The following ROBO2 variants were observed in gnomAD, a reference collection of about 807,000 sequenced individuals.
ROBO2 encodes roundabout homolog 2.
Under a neutral mutation model 160.8 loss-of-function variants are expected in ROBO2, and 53 were observed. The observed-to-expected ratio is 0.33, with a 90% confidence interval of 0.26 to 0.41. The LOEUF (loss-of-function observed/expected upper bound fraction) is 0.41. Ranked by LOEUF, ROBO2 falls within the 10% of genes least tolerant of loss-of-function variation. ROBO2 has a pLI of 1.00. For synonymous variants in ROBO2, 664 were observed against 611.7 expected (o/e 1.09, Z -1.26); for missense variants, 1,577 against 1,722.4 (o/e 0.92, Z 1.49).
At chr3:77,119,098 T>C (rs538895269) in intron 2 of ROBO2, among the ~76,000 whole-genome samples, 2 of 152,190 alleles carry the variant, frequency 1.3e-5, no homozygotes, top group Middle Eastern at 3.4e-3. Context: ...GTTTAGCACT[T>C]CCCCCTTGCT....
intron 2 of ROBO2, among the ~76,000 whole-genome samples, chr3:76,351,160 A>T (rs1172158812): frequency 6.6e-6 from 1 of 151,986 alleles, no homozygotes; most frequent in Non-Finnish European, 1.5e-5. Flanking sequence ...AGGTAAAAAA[A>T]TTGAACCACA....
chr3:76,909,452 G>A (rs2075828794), intron 2 of ROBO2, among the ~76,000 whole-genome samples: 1 of 152,064 alleles, frequency 6.6e-6, no homozygotes, highest in African/African-American at 2.4e-5. Context: ...GACATAATGA[G>A]TACAGTGTTC....
chr3:77,058,911 C>T (rs992017346), intron 1 of ROBO2, among the ~76,000 whole-genome samples: 2 of 152,108 alleles, frequency 1.3e-5, no homozygotes, highest in African/African-American at 4.8e-5. Context: ...AGTTAGCACA[C>T]AATCACATGT....
intron 5 of ROBO2, among the ~76,000 whole-genome samples, chr3:77,505,425 C>T (rs1246852947): frequency 6.6e-6 from 1 of 151,696 alleles, no homozygotes; most frequent in Non-Finnish European, 1.5e-5. Flanking sequence ...ACTTGGGTGC[C>T]TGGTCAAAAG....
intron 2 of ROBO2, among the ~76,000 whole-genome samples, chr3:77,414,242 T>C (rs2077030406): frequency 6.6e-6 from 1 of 152,216 alleles, no homozygotes; most frequent in Admixed American, 6.5e-5. Flanking sequence ...TAACAAGAAC[T>C]GACCGTTGGA....
chr3:76,863,064 C>A (rs118024992), intron 2 of ROBO2, among the ~76,000 whole-genome samples: 2 of 152,034 alleles, frequency 1.3e-5, no homozygotes, highest in Non-Finnish European at 2.9e-5. Context: ...CGTGCTGTAA[C>A]TTCTATATTT....
chr3:76,812,684 CTT>C (rs1030110372), intron 2 of ROBO2, among the ~76,000 whole-genome samples: 4 of 151,866 alleles, frequency 2.6e-5, no homozygotes, highest in African/African-American at 7.2e-5. Flanking sequence ...AAATAAAAAA[CTT>C]ATAATTAAAA....
chr3:76,585,253 C>A (rs1035076479), intron 2 of ROBO2, among the ~76,000 whole-genome samples: 2 of 152,002 alleles, frequency 1.3e-5, no homozygotes, highest in Non-Finnish European at 2.9e-5. Flanking sequence ...GCATTTATTC[C>A]CTTTTTGGAA....
intron 2 of ROBO2, among the ~76,000 whole-genome samples, chr3:77,007,687 T>A (rs1323792183): frequency 6.6e-6 from 1 of 152,132 alleles, no homozygotes; most frequent in Non-Finnish European, 1.5e-5. Context: ...TTTCTGCACC[T>A]GTTAATTTTA....
rs992611393 is a variant in ROBO2, at chr3:76,130,078, G to A, written c.109+192476G>A. On this transcript the variant is annotated intron_variant, in intron 2 of 26. Coordinates refer to the ROBO2 transcript ENST00000487694. Reference sequence around the variant, plus strand: ...CCCTCCAGATTAAAAAATAAAAGTCGGATCTTATCAATTTTGAAAAGGATG... The same window carrying A: ...CCCTCCAGATTAAAAAATAAAAGTCAGATCTTATCAATTTTGAAAAGGATG... 2.9e-4 allele frequency among the ~76,000 whole-genome samples: 44 copies of A among 151,916 alleles called. 1 individual carries two copies. The highest frequency in any genetic ancestry group is 8.9e-4 in the African/African-American group (37 of 41,488).
intron 21 of ROBO2, among the ~76,000 whole-genome samples, chr3:77,615,141 C>T (rs903866268): frequency 6.6e-6 from 1 of 152,016 alleles, no homozygotes; most frequent in South Asian, 2.1e-4. Flanking sequence ...GATTCAGGAC[C>T]CTGACACATA....
chr3:77,152,577 G>C (rs2077639803), intron 2 of ROBO2, among the ~76,000 whole-genome samples: 1 of 152,192 alleles, frequency 6.6e-6, no homozygotes, highest in East Asian at 1.9e-4. Flanking sequence ...TCACCTGTGA[G>C]TATGTTCGTT....
intron 2 of ROBO2, among the ~76,000 whole-genome samples, chr3:76,908,919 C>A (rs78637808): frequency 0.011 from 1,637 of 152,214 alleles, 13 homozygotes; most frequent in Non-Finnish European, 0.016. Flanking sequence ...TAATGTGCAA[C>A]CTTTTTAATT....
intron 2 of ROBO2, among the ~76,000 whole-genome samples, chr3:76,752,127 T>C (rs1023911745): frequency 2.6e-5 from 4 of 151,812 alleles, no homozygotes; most frequent in Non-Finnish European, 4.4e-5. Context: ...AAAGGATGAG[T>C]TCATGTCTTT....
intron 5 of ROBO2, among the ~76,000 whole-genome samples, chr3:77,520,014 C>G (rs568869278): frequency 2.1e-4 from 32 of 151,430 alleles, no homozygotes; most frequent in African/African-American, 6.5e-4. Context: ...TTTTGATTTG[C>G]AGTTCTCTGA....
intron 1 of ROBO2, among the ~76,000 whole-genome samples, chr3:77,093,069 C>A (rs1559990092): frequency 6.6e-6 from 1 of 151,948 alleles, no homozygotes; most frequent in African/African-American, 2.4e-5. Flanking sequence ...CCCTCTCCCC[C>A]TCCTCTTCTT....
intron 2 of ROBO2, among the ~76,000 whole-genome samples, chr3:76,472,104 CGTGTGCGT>C (rs67538284): frequency 0.26 from 36,031 of 137,998 alleles, 5,308 homozygotes; most frequent in Non-Finnish European, 0.36. Flanking sequence ...TGTGTGTGCG[CGTGTGCGT>C]GCGCATGTGT....
intron 2 of ROBO2, among the ~76,000 whole-genome samples, chr3:75,969,346 T>C (rs973146435): frequency 4.0e-5 from 6 of 151,276 alleles, no homozygotes; most frequent in African/African-American, 1.5e-4. Flanking sequence ...GATTGTGGAG[T>C]CATACACTAG....
chr3:77,612,744 T>A (rs1335986440), intron 21 of ROBO2, among the ~76,000 whole-genome samples: 1 of 151,970 alleles, frequency 6.6e-6, no homozygotes, highest in Non-Finnish European at 1.5e-5. Flanking sequence ...TAGGAGATCG[T>A]GACCATCCTG....
Sources: gnomAD v4.1 joint callset for allele counts (sites outside exome capture counted in the v4.1 genomes callset) on GRCh38, gnomAD v4.1.1 for gene constraint, MANE v1.5 for transcripts, NCBI Gene and HGNC (gene_info 2026-07-23, HGNC 2026-07-21) for gene names.